RYR2: variants seen among roughly 807,000 people sequenced by gnomAD.
RYR2 encodes cardiac muscle ryanodine receptor-calcium release channel.
In RYR2, 227 loss-of-function variants were observed where a neutral mutation model predicts 601.1. That is an observed-to-expected ratio of 0.38 (90% CI 0.34 to 0.42). The LOEUF (loss-of-function observed/expected upper bound fraction) is 0.42. Ranked by LOEUF, RYR2 falls within the 10% of genes least tolerant of loss-of-function variation. The pLI, the probability that RYR2 is intolerant of heterozygous loss-of-function variation, is 1.00. For missense variants in RYR2, 4,646 were observed against 6,156.5 expected (o/e 0.75, Z 8.21); for synonymous variants, 2,223 against 2,175.1 (o/e 1.02, Z -0.61).
intron 28 of RYR2, among the ~76,000 whole-genome samples, chr1:237,567,281 T>C (rs937100256): frequency 6.6e-6 from 1 of 152,070 alleles, no homozygotes; most frequent in African/African-American, 2.4e-5. Flanking sequence ...TTCTTTTACA[T>C]GTGTAAAATA....
chr1:237,221,103 C>A (rs909981061), intron 1 of RYR2, among the ~76,000 whole-genome samples: 3 of 151,800 alleles, frequency 2.0e-5, no homozygotes, highest in Admixed American at 1.3e-4. Flanking sequence ...CTCAAAAAAA[C>A]CCCCCAAAAC....
intron 2 of RYR2, among the ~76,000 whole-genome samples, chr1:237,279,959 T>C (rs1480199040): frequency 6.6e-6 from 1 of 152,226 alleles, no homozygotes; most frequent in East Asian, 1.9e-4. Flanking sequence ...TGTTGATTTT[T>C]ATCAGGTTTC....
At chr1:237,346,367 C>CAAAAAAAAA (rs397975831) in intron 3 of RYR2, among the ~76,000 whole-genome samples, 13 of 62,338 alleles carry the variant, frequency 2.1e-4, no homozygotes, top group Non-Finnish European at 3.0e-4. Flanking sequence ...GGGTCTACCT[C>CAAAAAAAAA]AAAAAAAAAA....
chr1:237,556,474 T>TA (rs990542565), intron 27 of RYR2, among the ~76,000 whole-genome samples: 5 of 150,042 alleles, frequency 3.3e-5, no homozygotes, highest in African/African-American at 1.2e-4. Flanking sequence ...CTAATTTTTT[T>TA]TTTTTTTTGT....
At chr1:237,686,268 G>A (rs1313775081) in intron 62 of RYR2, among the ~76,000 whole-genome samples, 1 of 152,192 alleles carries the variant, frequency 6.6e-6, no homozygotes, top group Non-Finnish European at 1.5e-5. Flanking sequence ...ATTTTCTGGG[G>A]TGAGTGCTGG....
chr1:237,804,505 A>G (rs6682645), intron 98 of RYR2, among the ~76,000 whole-genome samples: 4,286 of 152,096 alleles, frequency 0.028, 180 homozygotes, highest in African/African-American at 0.097. Context: ...CTCCACTAGC[A>G]AAACATTCCT....
intron 7 of RYR2, among the ~76,000 whole-genome samples, chr1:237,375,898 A>G (rs937521102): frequency 1.3e-5 from 2 of 152,236 alleles, no homozygotes; most frequent in African/African-American, 4.8e-5. Context: ...TAGTCAAAAC[A>G]AAACAAGTCA....
At chr1:237,722,987 C>A in intron 73 of RYR2, 141 bp from the exon 74 acceptor site, 1 of 650,022 alleles carries the variant, frequency 1.5e-6, no homozygotes. Flanking sequence ...TCCTACATAA[C>A]TGCAGCTGCG....
At chr1:237,298,439 A>G (rs994909035) in intron 2 of RYR2, among the ~76,000 whole-genome samples, 2 of 152,178 alleles carry the variant, frequency 1.3e-5, no homozygotes, top group African/African-American at 4.8e-5. Context: ...TGAAAAGACA[A>G]AGAATCATTG....
rs1235578873 is a variant in RYR2, at chr1:237,680,588, A to G, written c.9017+11A>G. 1.3e-6 allele frequency: 2 copies of G among 1,588,272 alleles called. No individual in the cohort carries two copies. Among genetic ancestry groups the G allele is most frequent in the South Asian group, 1.1e-5 (1 of 87,706 alleles). ...AGAAATGGTGACTAGGTAAACAGCT[A>G]TAAAAATAAGCACTGTTGTATGACT... On this transcript the variant is annotated intron_variant, in intron 62 of 104. Transcript: ENST00000366574.
Position 237,639,217 on chromosome 1 carries a change from A to G in RYR2, c.7115+16A>G, listed in dbSNP as rs754440462. 1 of 1,598,344 alleles carries G rather than the reference A, an allele frequency of 6.3e-7. No individual in the cohort carries two copies. The highest frequency in any genetic ancestry group is 8.5e-7 in the Non-Finnish European group (1 of 1,170,174). ...GTAAAACACTGTAGGTCTAATATACACACCCTCACGAGTGATCCATACTAC... is the reference window on the plus strand; with the variant it reads ...GTAAAACACTGTAGGTCTAATATACGCACCCTCACGAGTGATCCATACTAC... On this transcript the variant is annotated intron_variant, in intron 46 of 104. Coordinates refer to ENST00000366574, the MANE Select transcript of RYR2 (RefSeq NM_001035.3).
In RYR2 at chr1:237,705,242, C is replaced by G. The variant is rs1688274697; in HGVS notation, c.9479C>G (p.Ala3160Gly). The G allele has an allele frequency of 6.2e-7, 1 of 1,607,506 alleles. No homozygotes were observed. Residue 3160 changes from alanine (A) to glycine (G), a missense_variant, in exon 67 of 105, where the codon GCT (alanine) becomes GGT (glycine). Ala to Gly is a moderately conservative substitution (Grantham distance 60). This residue lies in a region of RYR2 where 1,497 missense variants were observed against 1,842.6 expected (regional missense o/e 0.81). Transcript: ENST00000366574. ...CGTTCTGCATTAGGAGAATGTCTAG[C>G]TGCCTTTGCTGGTGCTTTTCCTGTA... Reference protein sequence around the residue: ...RQRSALGECLAAFAGAFPVAF... With the variant: ...RQRSALGECLGAFAGAFPVAF...
chr1:237,700,565 C>G (rs1687879863), intron 65 of RYR2, 98 bp downstream of exon 65: 7 of 650,412 alleles, frequency 1.1e-5, no homozygotes, highest in Non-Finnish European at 1.9e-5. Flanking sequence ...TACTAAAACA[C>G]TGTTTACATG....
intron 71 of RYR2, among the ~76,000 whole-genome samples, 158 bp from the exon 72 acceptor site, chr1:237,717,037 TAAG>T (rs1391997437): frequency 6.6e-6 from 1 of 151,986 alleles, no homozygotes; most frequent in East Asian, 1.9e-4. Context: ...CAAAAGATAC[TAAG>T]AAGGGAAGAG....
At chr1:237,171,559 T>G (rs181613427) in intron 1 of RYR2, among the ~76,000 whole-genome samples, 33 of 152,354 alleles carry the variant, frequency 2.2e-4, no homozygotes, top group African/African-American at 7.7e-4. Context: ...CTCAGCCCAG[T>G]GTCTTAGGTA....
intron 1 of RYR2, among the ~76,000 whole-genome samples, chr1:237,123,350 G>A (rs1671020694): frequency 6.6e-6 from 1 of 152,170 alleles, no homozygotes; most frequent in Non-Finnish European, 1.5e-5. Flanking sequence ...ACTTTGGGAG[G>A]CCAAGGCTGG....
chr1:237,489,482 C>G (rs1663082510), intron 17 of RYR2, among the ~76,000 whole-genome samples: 3 of 152,126 alleles, frequency 2.0e-5, no homozygotes, highest in African/African-American at 7.2e-5. Context: ...CATGGTGAAA[C>G]CCCATCTCTA....
rs967026467 is a variant in RYR2 at position 237,224,714 on chromosome 1, G to T, written c.49-45783G>T. Among the ~76,000 whole-genome samples, 4 of 152,066 alleles carry T rather than the reference G, an allele frequency of 2.6e-5. No individual in the cohort carries two copies. In the South Asian group the frequency reaches 8.3e-4, roughly 31 times the overall value. ...CTTTATAAAAACATTTTAAAAAAAA[G>T]TTAGGTGTGGTGATACACACCTATA... On this transcript the variant is annotated intron_variant, in intron 1 of 104. Transcript: ENST00000366574.
intron 27 of RYR2, among the ~76,000 whole-genome samples, chr1:237,562,098 A>G (rs1192159512): frequency 6.6e-6 from 1 of 152,224 alleles, no homozygotes. Context: ...ATTTTCTCTT[A>G]GGAGAATGCT....
Sources: allele counts gnomAD v4.1 joint callset (sites outside exome capture counted in the v4.1 genomes callset), GRCh38; gene constraint gnomAD v4.1.1; regional missense constraint gnomAD v4.1.1; transcripts MANE v1.5; gene names NCBI Gene and HGNC (gene_info 2026-07-23, HGNC 2026-07-21).